The following USP25 variants were observed in gnomAD, a reference collection of about 807,000 sequenced individuals.
USP25 encodes ubiquitin carboxyl-terminal hydrolase 25.
USP25 carries 85 observed loss-of-function variants against 158.5 expected under a neutral mutation model. The observed-to-expected ratio is 0.54, with a 90% CI of 0.45 to 0.64. The LOEUF is 0.64. Among genes scored for constraint, USP25 ranks in the 30% least tolerant of loss-of-function variants. The probability of loss-of-function intolerance (pLI) is 0.00; values close to 1 mark genes in which losing one functional copy is unlikely to be tolerated. For missense variants in USP25, 1,242 were observed against 1,327.3 expected (o/e 0.94, Z 1.00); for synonymous variants, 464 against 460.4 (o/e 1.01, Z -0.10).
At chr21:15,815,097 G>C (rs2036868496) in intron 9 of USP25, among the ~76,000 whole-genome samples, 1 of 152,194 alleles carries the variant, frequency 6.6e-6, no homozygotes, top group African/African-American at 2.4e-5. Context: ...AGGGGCCAAG[G>C]TGTAGCTCGG....
chr21:15,851,703 G>A (rs1275166545), intron 20 of USP25, among the ~76,000 whole-genome samples: 1 of 151,806 alleles, frequency 6.6e-6, no homozygotes, highest in Non-Finnish European at 1.5e-5. Context: ...GTGTATTACT[G>A]ATTTAGTTCA....
chr21:15,757,722 T>C (rs1278472334), intron 1 of USP25, among the ~76,000 whole-genome samples: 1 of 152,218 alleles, frequency 6.6e-6, no homozygotes, highest in Non-Finnish European at 1.5e-5. Flanking sequence ...GCGATGCAGG[T>C]AGTTTCATGT....
At chr21:15,821,974 T>A (rs2037258470) in intron 10 of USP25, among the ~76,000 whole-genome samples, 1 of 151,962 alleles carries the variant, frequency 6.6e-6, no homozygotes, top group South Asian at 2.1e-4. Flanking sequence ...TGTAAGTTCT[T>A]TATTCACTAA....
At chr21:15,874,646 T>A in intron 24 of USP25, 120 bp downstream of exon 24, 2 of 1,009,886 alleles carry the variant, frequency 2.0e-6, no homozygotes, top group Non-Finnish European at 1.4e-6. Flanking sequence ...TGATGATGTC[T>A]ATAAACTGGT....
chr21:15,832,814 C>T (rs956834796), intron 16 of USP25, among the ~76,000 whole-genome samples: 5 of 151,856 alleles, frequency 3.3e-5, no homozygotes, highest in Non-Finnish European at 7.4e-5. Context: ...GTCAGGAGAT[C>T]GAGACCATCC....
rs1297846782 is a variant in USP25, at chr21:15,847,695, T to A, written c.2370T>A (p.Ser790=). 6.5e-7 allele frequency: 1 copy of A among 1,550,172 alleles called. No individual in the cohort carries two copies. Among genetic ancestry groups the A allele is most frequent in the Admixed American group, 2.0e-5 (1 of 50,996 alleles). The change falls in exon 19 of 26, where the codon TCT becomes TCA. Residue 790 remains serine, a synonymous_variant. Coordinates refer to ENST00000400183, the MANE Select transcript of USP25 (RefSeq NM_001283041.3). ...KPENTTSQPL[S]NQRVVEVAIP... Reference sequence around the variant, plus strand: ...AAAATACTACAAGCCAACCACTTTCTAATCAGCGAGTTGTAGAGGTGGCGA... The same window carrying A: ...AAAATACTACAAGCCAACCACTTTCAAATCAGCGAGTTGTAGAGGTGGCGA...
At chr21:15,814,535 T>C (rs1294886972) in intron 9 of USP25, among the ~76,000 whole-genome samples, 1 of 152,150 alleles carries the variant, frequency 6.6e-6, no homozygotes, top group Admixed American at 6.5e-5. Flanking sequence ...ATATGAACAA[T>C]AAGGTCCAGG....
At chr21:15,862,639 G>T (rs1295265476) in intron 20 of USP25, among the ~76,000 whole-genome samples, 1 of 138,230 alleles carries the variant, frequency 7.2e-6, no homozygotes, top group Non-Finnish European at 1.5e-5. Context: ...AAGCTTATGT[G>T]TGCTACCTAG....
intron 20 of USP25, among the ~76,000 whole-genome samples, chr21:15,854,949 C>T (rs1157241001): frequency 2.0e-5 from 3 of 152,060 alleles, no homozygotes; most frequent in African/African-American, 4.8e-5. Context: ...TAGTGGCTTA[C>T]GGAGAGAAGA....
intron 21 of USP25, 29 bp from the exon 22 acceptor site, chr21:15,866,236 CA>C: frequency 3.3e-6 from 5 of 1,500,330 alleles, no homozygotes; most frequent in Non-Finnish European, 4.6e-6. Flanking sequence ...CACATACACA[CA>C]CGCTCATATG....
intron 2 of USP25, among the ~76,000 whole-genome samples, chr21:15,765,419 A>T (rs1305800703): frequency 1.3e-5 from 2 of 152,186 alleles, no homozygotes; most frequent in East Asian, 3.9e-4. Context: ...GTATCTATTT[A>T]ATTTGAGCAG....
intron 20 of USP25, among the ~76,000 whole-genome samples, chr21:15,851,836 A>T (rs1269540041): frequency 6.6e-6 from 1 of 151,872 alleles, no homozygotes. Context: ...TTTTCTCCTG[A>T]TCCATAACTA....
At chr21:15,811,623 G>A (rs2036665725) in intron 9 of USP25, among the ~76,000 whole-genome samples, 1 of 152,090 alleles carries the variant, frequency 6.6e-6, no homozygotes. Flanking sequence ...GTATTATAGA[G>A]TTCTCACTTT....
At chr21:15,768,196 A>G (rs1415943131) in intron 3 of USP25, among the ~76,000 whole-genome samples, 1 of 152,072 alleles carries the variant, frequency 6.6e-6, no homozygotes, top group Non-Finnish European at 1.5e-5. Flanking sequence ...TGGTTTCTTT[A>G]TCCATAAAAC....
Position 15,875,676 on chromosome 21 carries a change from G to A in USP25, c.3009+1150G>A, listed in dbSNP as rs2040071016. On this transcript the variant is annotated intron_variant, in intron 24 of 25. Transcript: ENST00000400183. The surrounding 1 kb of genome is among the most constrained non-coding windows in gnomAD (Gnocchi z 4.7). ...TAGAAGTTTTATTCATGATAGAGAA[G>A]GGAGAATATTCCAGTACACAACAGA... 6.6e-6 allele frequency among the ~76,000 whole-genome samples: 1 copy of A among 152,216 alleles called. No homozygotes were observed. The highest frequency in any genetic ancestry group is 1.5e-5 in the Non-Finnish European group (1 of 68,036).
chr21:15,781,604 A>G (rs959321451), intron 4 of USP25, among the ~76,000 whole-genome samples: 1 of 152,152 alleles, frequency 6.6e-6, no homozygotes, highest in Admixed American at 6.5e-5. Flanking sequence ...AGAGAACAGC[A>G]AAGTCCCTGT....
rs542736125 is a variant in USP25 at position 15,736,120 on chromosome 21, C to T, written c.45+5682C>T. 8.0e-5 allele frequency among the ~76,000 whole-genome samples: 12 copies of T among 150,114 alleles called. No homozygotes were observed. The South Asian group carries it at 2.1e-3, about 26-fold the overall frequency. ...TTATTTCCTGCTTTTTTTTTTGAGA[C>T]GGGGTTTTGCTCTCTCACCCAAGCT... On this transcript the variant is annotated intron_variant, in intron 1 of 25. Coordinates refer to ENST00000400183, the MANE Select transcript of USP25 (RefSeq NM_001283041.3).
At chr21:15,782,082 A>T (rs76592107) in intron 4 of USP25, among the ~76,000 whole-genome samples, 13,367 of 152,292 alleles carry the variant, frequency 0.088, 605 homozygotes, top group East Asian at 0.093. Flanking sequence ...TCAAAGGCAC[A>T]ACTGGGGCCC....
chr21:15,866,276 A>G lies in USP25; in HGVS notation c.2737A>G (p.Ile913Val), dbSNP rs557556578. 14 of 1,604,288 alleles carry G rather than the reference A, an allele frequency of 8.7e-6. 2 individuals are homozygous for G. In the South Asian group the frequency reaches 1.1e-4, roughly 13 times the overall value. ...NLSFDERCHNIMKVAQAKLEM... is the reference protein window; with the variant it reads ...NLSFDERCHNVMKVAQAKLEM... The stretch of plus-strand genomic sequence containing the variant: ...GTGTTTTTTTTTAAGGTGTCACAAC[A>G]TAATGAAAGTTGCTCAAGCCAAACT... Residue 913 changes from isoleucine (I) to valine (V), a missense_variant, in exon 22 of 26, where the codon ATA (isoleucine) becomes GTA (valine). By Grantham distance (29) the Ile-to-Val change is conservative. Around this residue, in one of 3 missense-constraint regions of USP25, gnomAD observed 608 missense variants for 605.2 expected, o/e 1.00. Transcript: ENST00000400183.
Sources: gnomAD v4.1 joint callset for allele counts (sites outside exome capture counted in the v4.1 genomes callset) on GRCh38, gnomAD v4.1.1 for gene constraint, gnomAD v4.1.1 regional missense constraint, Gnocchi (gnomAD v3.1) non-coding constraint, MANE v1.5 for transcripts, NCBI Gene and HGNC (gene_info 2026-07-23, HGNC 2026-07-21) for gene names.